TTLL5: variants seen among roughly 807,000 people sequenced by gnomAD.
TTLL5 encodes tubulin tyrosine ligase like 5.
TTLL5 carries 132 observed loss-of-function variants against 168.4 expected under a neutral mutation model. The ratio of observed to expected loss-of-function variants is 0.78; its 90% confidence interval spans 0.68 to 0.91. The LOEUF (loss-of-function observed/expected upper bound fraction) is 0.91, where lower values mean the gene tolerates loss of function less well. Among genes scored for constraint, TTLL5 ranks in the 40% least tolerant of loss-of-function variants. The pLI, the probability that TTLL5 is intolerant of heterozygous loss-of-function variation, is 0.00. For missense variants in TTLL5, 1,545 were observed against 1,581.5 expected (o/e 0.98, Z 0.39); for synonymous variants, 546 against 558.6 (o/e 0.98, Z 0.32).
chr14:75,763,649 T>C (rs1304731382), intron 18 of TTLL5, among the ~76,000 whole-genome samples: 1 of 152,236 alleles, frequency 6.6e-6, no homozygotes, highest in Admixed American at 6.5e-5. Flanking sequence ...GTCACTGATA[T>C]AGATACTGCT....
At chr14:75,835,674 T>C (rs1895826954) in intron 28 of TTLL5, 1 of 152,192 alleles carries the variant, frequency 6.6e-6, no homozygotes, top group Admixed American at 6.5e-5. Flanking sequence ...AATCAGAATA[T>C]GTAAGGAATT....
At chr14:75,706,105 A>G (rs529405117) in intron 7 of TTLL5, among the ~76,000 whole-genome samples, 44 of 152,132 alleles carry the variant, frequency 2.9e-4, no homozygotes, top group African/African-American at 9.9e-4. Flanking sequence ...CCATCTTCCG[A>G]TGATGGGCTC....
intron 31 of TTLL5, among the ~76,000 whole-genome samples, chr14:75,916,812 A>G (rs2033631877): frequency 1.3e-5 from 2 of 152,246 alleles, no homozygotes; most frequent in South Asian, 4.1e-4. Flanking sequence ...GAATGAGTCA[A>G]CAAAATGTGG....
intron 18 of TTLL5, among the ~76,000 whole-genome samples, chr14:75,760,685 T>A (rs1348776987): frequency 6.6e-6 from 1 of 152,098 alleles, no homozygotes; most frequent in Non-Finnish European, 1.5e-5. Flanking sequence ...GAAAGGAAAT[T>A]ATTTTTTAAA....
chr14:75,821,539 A>C (rs1241432300), intron 28 of TTLL5, among the ~76,000 whole-genome samples: 1 of 152,234 alleles, frequency 6.6e-6, no homozygotes, highest in Non-Finnish European at 1.5e-5. Context: ...CATTGCTCCT[A>C]CTGTAAACAA....
intron 1 of TTLL5, among the ~76,000 whole-genome samples, chr14:75,662,203 C>T (rs1337736022): frequency 1.3e-5 from 2 of 152,154 alleles, no homozygotes; most frequent in South Asian, 4.2e-4. Context: ...TTATATGGAC[C>T]TTTGATTCAA....
intron 2 of TTLL5, among the ~76,000 whole-genome samples, chr14:75,668,163 C>T (rs763951447): frequency 2.0e-5 from 3 of 152,040 alleles, no homozygotes; most frequent in South Asian, 2.1e-4. Flanking sequence ...TTTTAAGAGT[C>T]GAGTGAATCT....
At chr14:75,754,502 G>C (rs1250229780) in intron 18 of TTLL5, among the ~76,000 whole-genome samples, 1 of 151,590 alleles carries the variant, frequency 6.6e-6, no homozygotes, top group Non-Finnish European at 1.5e-5. Flanking sequence ...CTTGAGGCTG[G>C]ATCTTTCTAT....
intron 16 of TTLL5, 115 bp from the exon 17 acceptor site, chr14:75,745,375 T>G: frequency 8.1e-7 from 1 of 1,236,404 alleles, no homozygotes; most frequent in Non-Finnish European, 1.2e-6. Flanking sequence ...TGGAATTAAT[T>G]TCTCCCTTCA....
At chr14:75,823,921 C>T (rs1894974258) in intron 28 of TTLL5, among the ~76,000 whole-genome samples, 1 of 152,146 alleles carries the variant, frequency 6.6e-6, no homozygotes, top group Non-Finnish European at 1.5e-5. Flanking sequence ...TGGTATTCTG[C>T]TTTGCGTAAT....
At chr14:75,715,536 C>G (rs1286615286) in intron 9 of TTLL5, among the ~76,000 whole-genome samples, 1 of 152,118 alleles carries the variant, frequency 6.6e-6, no homozygotes, top group Non-Finnish European at 1.5e-5. Flanking sequence ...GAGCTATAAG[C>G]TCTTACTGGG....
chr14:75,935,440 T>G (rs1297906396), intron 31 of TTLL5, among the ~76,000 whole-genome samples: 1 of 152,220 alleles, frequency 6.6e-6, no homozygotes. Context: ...AGAAGCTGTT[T>G]CCTGTTATCT....
intron 28 of TTLL5, among the ~76,000 whole-genome samples, chr14:75,848,160 G>A (rs1202266482): frequency 2.0e-5 from 3 of 152,020 alleles, no homozygotes; most frequent in African/African-American, 7.3e-5. Context: ...CAGAAAAACT[G>A]TAGGCCTCAC....
chr14:75,828,489 A>G (rs1451880869), intron 28 of TTLL5, among the ~76,000 whole-genome samples: 1 of 152,222 alleles, frequency 6.6e-6, no homozygotes, highest in African/African-American at 2.4e-5. Context: ...CATAATACAT[A>G]TATCATATAC....
At chr14:75,763,630 A>G (rs182012412) in intron 18 of TTLL5, among the ~76,000 whole-genome samples, 123 of 152,298 alleles carry the variant, frequency 8.1e-4, no homozygotes, top group African/African-American at 2.9e-3. Context: ...AGTTGGCTAC[A>G]TGCTTTCAGT....
At chr14:75,812,910 T>C (rs1894139638) in intron 27 of TTLL5, among the ~76,000 whole-genome samples, 1 of 152,170 alleles carries the variant, frequency 6.6e-6, no homozygotes, top group Admixed American at 6.5e-5. Flanking sequence ...TTCTGCATTT[T>C]TAATATGCTC....
In TTLL5 at chr14:75,863,674, CA is replaced by C. The variant is rs1238690850; in HGVS notation, c.3335del (p.Gln1112ArgfsTer11). 6.2e-7 allele frequency: 1 copy of C among 1,607,568 alleles called. No homozygotes were observed. The highest frequency in any genetic ancestry group is 1.1e-5 in the South Asian group (1 of 90,260). ...HSSSPGSRSL[Q>X]TGGFAWEGEV... ...GCTTGCTTTTCTCTTCAGGAGCCTGCAGACAGGGGGATTTGCCTGGGAAGGA... is the reference window on the plus strand; with the variant it reads ...GCTTGCTTTTCTCTTCAGGAGCCTGCGACAGGGGGATTTGCCTGGGAAGGA... On this transcript the variant is annotated frameshift_variant, in exon 29 of 32. Coordinates refer to ENST00000298832, the MANE Select transcript of TTLL5 (RefSeq NM_015072.5). LOFTEE classifies it high-confidence loss of function.
chr14:75,767,309 C>T (rs1891026834), intron 20 of TTLL5, among the ~76,000 whole-genome samples: 1 of 152,186 alleles, frequency 6.6e-6, no homozygotes, highest in African/African-American at 2.4e-5. Flanking sequence ...CTGGAGTTTA[C>T]AGTCTAGTGG....
intron 27 of TTLL5, among the ~76,000 whole-genome samples, chr14:75,808,671 C>T (rs1893793894): frequency 6.6e-6 from 1 of 152,068 alleles, no homozygotes; most frequent in Admixed American, 6.6e-5. Context: ...TTACCTTTTG[C>T]TCTAGCAAAA....
Sources: gnomAD v4.1 joint callset for allele counts (sites outside exome capture counted in the v4.1 genomes callset) on GRCh38, gnomAD v4.1.1 for gene constraint, MANE v1.5 for transcripts, NCBI Gene and HGNC (gene_info 2026-07-23, HGNC 2026-07-21) for gene names.